The following TAFA2 variants were observed in gnomAD, a reference collection of about 807,000 sequenced individuals.
TAFA2 encodes the protein TAFA chemokine like family member 2, also known as chemokine-like protein TAFA-2.
A neutral mutation model predicts 18.8 loss-of-function variants in TAFA2; 7 were observed. The observed-to-expected ratio is 0.37, with a 90% CI of 0.21 to 0.70. The LOEUF (loss-of-function observed/expected upper bound fraction) is 0.70, where lower values mean the gene tolerates loss of function less well. TAFA2 is among the 30% of genes least tolerant of loss of function. The pLI is 0.53. For missense variants in TAFA2, 122 were observed against 158.1 expected (o/e 0.77, Z 1.23); for synonymous variants, 60 against 54.2 (o/e 1.11, Z -0.47).
At chr12:62,126,153 A>G (rs1870450201) in intron 1 of TAFA2, among the ~76,000 whole-genome samples, 1 of 152,066 alleles carries the variant, frequency 6.6e-6, no homozygotes, top group Non-Finnish European at 1.5e-5. Flanking sequence ...TTATTAATTC[A>G]TTGATTTTAT....
At chr12:61,885,992 A>G (rs979811396) in intron 1 of TAFA2, among the ~76,000 whole-genome samples, 25 of 152,166 alleles carry the variant, frequency 1.6e-4, no homozygotes, top group Non-Finnish European at 3.1e-4. Context: ...AACCAATCAG[A>G]AAGGAAAATA....
At chr12:61,766,923 T>C (rs1021173434) in intron 2 of TAFA2, among the ~76,000 whole-genome samples, 1 of 152,084 alleles carries the variant, frequency 6.6e-6, no homozygotes, top group African/African-American at 2.4e-5. Context: ...AGATAAACCC[T>C]GGATGGGGAG....
chr12:61,953,408 A>T (rs1878537067), intron 1 of TAFA2, among the ~76,000 whole-genome samples: 1 of 152,210 alleles, frequency 6.6e-6, no homozygotes, highest in African/African-American at 2.4e-5. Context: ...ATAATTGAGG[A>T]ACTCAAAAAA....
chr12:61,757,551 T>G (rs1869332801), intron 2 of TAFA2, among the ~76,000 whole-genome samples: 2 of 151,986 alleles, frequency 1.3e-5, no homozygotes, highest in South Asian at 4.2e-4. Context: ...TTGAGTGATC[T>G]AAGCCTACAG....
chr12:61,878,248 G>A, intron 1 of TAFA2: 4 of 340,088 alleles, frequency 1.2e-5, no homozygotes, highest in Middle Eastern at 8.4e-4. Context: ...GTACAACATT[G>A]TGAATGTACT....
intron 2 of TAFA2, among the ~76,000 whole-genome samples, chr12:61,807,743 A>C (rs1435115382): frequency 4.0e-5 from 6 of 151,444 alleles, no homozygotes; most frequent in Admixed American, 2.6e-4. Context: ...TGAGACATGG[A>C]GTCAAAGGAG....
intron 1 of TAFA2, among the ~76,000 whole-genome samples, chr12:61,923,492 A>G (rs933256658): frequency 1.3e-5 from 2 of 152,352 alleles, no homozygotes. Context: ...GACCTGCAGC[A>G]GAGGTGCCTG....
At chr12:62,257,961 C>T (rs1298838318) in intron 1 of TAFA2, among the ~76,000 whole-genome samples, 1 of 152,170 alleles carries the variant, frequency 6.6e-6, no homozygotes, top group African/African-American at 2.4e-5. Flanking sequence ...ACTGAGATCA[C>T]TAAAACGTTG....
At chr12:62,189,193 A>C (rs115886068) in intron 1 of TAFA2, among the ~76,000 whole-genome samples, 16,456 of 150,630 alleles carry the variant, frequency 0.11, 954 homozygotes, top group Middle Eastern at 0.18. Context: ...TTTTCACATA[A>C]AAAAAAAAAT....
chr12:62,170,197 T>C (rs937190761), intron 1 of TAFA2, among the ~76,000 whole-genome samples: 4 of 152,162 alleles, frequency 2.6e-5, no homozygotes, highest in Admixed American at 1.3e-4. Context: ...TTGATATCTC[T>C]CTTTGAAATG....
chr12:62,142,519 A>C (rs556133138), intron 1 of TAFA2, among the ~76,000 whole-genome samples: 1 of 152,264 alleles, frequency 6.6e-6, no homozygotes, highest in South Asian at 2.1e-4. Flanking sequence ...AAAACATACT[A>C]CCACAGTGAC....
chr12:62,081,184 G>A (rs564701183), intron 1 of TAFA2, among the ~76,000 whole-genome samples: 2 of 152,094 alleles, frequency 1.3e-5, no homozygotes, highest in East Asian at 3.9e-4. Context: ...GACAGAGCGA[G>A]ACTCCATCTC....
At chr12:61,776,081 C>T in intron 2 of TAFA2, 1 of 441,180 alleles carries the variant, frequency 2.3e-6, no homozygotes, top group Non-Finnish European at 4.4e-6. Context: ...AAATGCCCCA[C>T]TAATGCTACC....
chr12:62,146,746 A>G (rs1211371404), intron 1 of TAFA2, among the ~76,000 whole-genome samples: 1 of 152,198 alleles, frequency 6.6e-6, no homozygotes, highest in East Asian at 1.9e-4. Flanking sequence ...TTAGAGGCAA[A>G]GAGCTACCTT....
intron 1 of TAFA2, among the ~76,000 whole-genome samples, chr12:62,114,152 G>GT (rs1869857434): frequency 6.6e-6 from 1 of 152,214 alleles, no homozygotes; most frequent in African/African-American, 2.4e-5. Context: ...TGGTCTGCAA[G>GT]TTGTGAAGAC....
At chr12:62,228,745 T>G (rs1302275344) in intron 1 of TAFA2, among the ~76,000 whole-genome samples, 1 of 152,210 alleles carries the variant, frequency 6.6e-6, no homozygotes, top group South Asian at 2.1e-4. Flanking sequence ...GAGAATTTTT[T>G]CTGTGAAGAA....
intron 1 of TAFA2, among the ~76,000 whole-genome samples, chr12:62,054,810 A>G (rs1277877017): frequency 1.3e-5 from 2 of 152,226 alleles, no homozygotes; most frequent in Non-Finnish European, 2.9e-5. Context: ...TGATTTCAGG[A>G]ATACAGAATT....
intron 1 of TAFA2, among the ~76,000 whole-genome samples, chr12:62,130,476 G>A (rs1592354759): frequency 1.3e-5 from 2 of 151,970 alleles, no homozygotes; most frequent in African/African-American, 4.8e-5. Context: ...AGAAAGACCA[G>A]TTATGACATT....
chr12:61,789,330 G>A (rs1565634149), intron 2 of TAFA2, among the ~76,000 whole-genome samples: 1 of 151,888 alleles, frequency 6.6e-6, no homozygotes, highest in Non-Finnish European at 1.5e-5. Context: ...TAAGGCACAA[G>A]GAAGGGATCC....
Sources: allele counts gnomAD v4.1 joint callset (sites outside exome capture counted in the v4.1 genomes callset), GRCh38; gene constraint gnomAD v4.1.1; transcripts MANE v1.5; gene names NCBI Gene and HGNC (gene_info 2026-07-23, HGNC 2026-07-21).